Variants in SLC6A17 observed in about 807,000 individuals in gnomAD.
The protein encoded by SLC6A17 is solute carrier family 6 member 17, also known as sodium-dependent neutral amino acid transporter SLC6A17.
Under a neutral mutation model 64.5 loss-of-function variants are expected in SLC6A17, and 21 were observed. The ratio of observed to expected loss-of-function variants is 0.33; its 90% CI spans 0.23 to 0.47. The LOEUF is 0.47. Among genes scored for constraint, SLC6A17 ranks in the 20% least tolerant of loss-of-function variants. SLC6A17 has a pLI of 1.00. For synonymous variants in SLC6A17, 372 were observed against 399.5 expected (o/e 0.93, Z 0.82); for missense variants, 682 against 963.2 (o/e 0.71, Z 3.86).
At chr1:110,176,267 G>C (rs1306577165) in intron 5 of SLC6A17, among the ~76,000 whole-genome samples, 1 of 152,082 alleles carries the variant, frequency 6.6e-6, no homozygotes, top group Non-Finnish European at 1.5e-5. Context: ...GGACAGGGGA[G>C]ATCCTTAGGG....
At chr1:110,154,782 A>T (rs1655712135) in intron 1 of SLC6A17, among the ~76,000 whole-genome samples, 1 of 152,212 alleles carries the variant, frequency 6.6e-6, no homozygotes, top group South Asian at 2.1e-4. Context: ...TTGGTGGGTC[A>T]GATTTCTCTG....
intron 1 of SLC6A17, among the ~76,000 whole-genome samples, chr1:110,151,899 G>C (rs905859722): frequency 6.6e-6 from 1 of 152,094 alleles, no homozygotes; most frequent in Non-Finnish European, 1.5e-5. Flanking sequence ...GATGGGGGTG[G>C]GTTGGGGAGA....
At position 110,200,953 on chromosome 1, in the gene SLC6A17, G is replaced by GCCCC. The variant is rs1657112008; in HGVS notation, c.*2511_*2514dup. 1 of 152,046 alleles carries GCCCC rather than the reference G, an allele frequency of 6.6e-6. No homozygotes were observed. The highest frequency in any genetic ancestry group is 2.1e-4 in the South Asian group (1 of 4,814). The allele number at this position is 152,046 out of a possible 1,614,324, so 9.4% of individuals were successfully genotyped here. A position where few individuals can be genotyped will look rare whatever the true frequency, so the allele number is the denominator to read the frequency against. On this transcript the variant is annotated 3_prime_UTR_variant, in exon 12 of 12. Transcript: ENST00000331565. ...TCAGGGCCGGCAGGGTGCTTCGGGA[G>GCCCC]CCCCCTGCTACGGGGAAAGGCATGT...
At chr1:110,153,644 C>G (rs553608977) in intron 1 of SLC6A17, among the ~76,000 whole-genome samples, 3 of 151,870 alleles carry the variant, frequency 2.0e-5, no homozygotes, top group Non-Finnish European at 2.9e-5. Context: ...TGAGAAGATT[C>G]CAGAGAAACA....
intron 6 of SLC6A17, among the ~76,000 whole-genome samples, chr1:110,184,675 G>T (rs1656632162): frequency 6.6e-6 from 1 of 152,188 alleles, no homozygotes; most frequent in Non-Finnish European, 1.5e-5. Context: ...GAAGTGCCGA[G>T]GCTGGGAGCA....
chr1:110,151,323 T>C (rs1380667981), intron 1 of SLC6A17, among the ~76,000 whole-genome samples: 2 of 152,252 alleles, frequency 1.3e-5, no homozygotes, highest in African/African-American at 2.4e-5. Context: ...CCCCAGCCGC[T>C]CGGCCTCAGG....
Position 110,166,761 on chromosome 1 carries a change from T to G in SLC6A17, c.-87-82T>G. Reference sequence around the variant, plus strand: ...ACCTGCCTCACAGTGTGATGGGGAGTTAATTTGGGTTGTGTCCACGTTGGG... The same window carrying G: ...ACCTGCCTCACAGTGTGATGGGGAGGTAATTTGGGTTGTGTCCACGTTGGG... On this transcript the variant is annotated intron_variant, in intron 1 of 11. Transcript: ENST00000331565. The G allele has an allele frequency of 5.3e-6, 4 of 754,846 alleles. No individual in the cohort carries two copies. In the South Asian group the frequency reaches 7.0e-5, roughly 13 times the overall value. The allele number at this position is 754,846 out of a possible 1,614,324, so 46.8% of individuals were successfully genotyped here. A position where few individuals can be genotyped will look rare whatever the true frequency, so the allele number is the denominator to read the frequency against.
intron 1 of SLC6A17, among the ~76,000 whole-genome samples, chr1:110,160,314 C>T (rs1292458484): frequency 6.6e-6 from 1 of 152,248 alleles, no homozygotes; most frequent in Admixed American, 6.5e-5. Context: ...TTTACCCCGC[C>T]TCTTTGTTTC....
chr1:110,185,096 C>G (rs972402288), intron 6 of SLC6A17, among the ~76,000 whole-genome samples: 1 of 152,164 alleles, frequency 6.6e-6, no homozygotes, highest in Non-Finnish European at 1.5e-5. Context: ...ATTACCAGAG[C>G]GTGGGCTCTG....
chr1:110,164,798 C>T (rs930147026), intron 1 of SLC6A17, among the ~76,000 whole-genome samples: 3 of 152,192 alleles, frequency 2.0e-5, no homozygotes, highest in African/African-American at 7.2e-5. Flanking sequence ...ATCTTGGTGA[C>T]CGAAGCTGCC....
At chr1:110,183,985 ACT>A (rs143243575) in intron 6 of SLC6A17, among the ~76,000 whole-genome samples, 12,384 of 151,978 alleles carry the variant, frequency 0.081, 503 homozygotes, top group Non-Finnish European at 0.093. Context: ...TGTGCAGTGG[ACT>A]CTCTAGCATG....
chr1:110,161,653 T>C (rs1319196347), intron 1 of SLC6A17, among the ~76,000 whole-genome samples: 1 of 152,010 alleles, frequency 6.6e-6, no homozygotes, highest in Non-Finnish European at 1.5e-5. Flanking sequence ...AATAAATGAT[T>C]CTCTTTGTCC....
chr1:110,185,612 G>C (rs901986844), intron 6 of SLC6A17, among the ~76,000 whole-genome samples: 9 of 152,340 alleles, frequency 5.9e-5, no homozygotes, highest in African/African-American at 9.6e-5. Context: ...CAGACACCCC[G>C]AGGAGGGGGC....
At chr1:110,156,986 C>G (rs971889456) in intron 1 of SLC6A17, among the ~76,000 whole-genome samples, 4 of 152,164 alleles carry the variant, frequency 2.6e-5, no homozygotes, top group Admixed American at 6.5e-5. Flanking sequence ...TCATCTGTCC[C>G]CATGGTGGTC....
intron 2 of SLC6A17, among the ~76,000 whole-genome samples, chr1:110,171,778 G>A (rs1305248414): frequency 1.3e-5 from 2 of 152,120 alleles, no homozygotes; most frequent in African/African-American, 2.4e-5. Flanking sequence ...GCAGTGCAAT[G>A]TCTGTCTGTT....
At chr1:110,152,146 C>T (rs1000198205) in intron 1 of SLC6A17, among the ~76,000 whole-genome samples, 5 of 152,188 alleles carry the variant, frequency 3.3e-5, no homozygotes, top group African/African-American at 1.2e-4. Flanking sequence ...TACATTATCC[C>T]ATGGCTCTGT....
chr1:110,184,505 G>T lies in SLC6A17; in HGVS notation c.865-7467G>T, dbSNP rs1423689283. On this transcript the variant is annotated intron_variant, in intron 6 of 11. Transcript: ENST00000331565. Reference sequence around the variant, plus strand: ...CCATTTAAACCTCCTAACAACCCTGGAGAGGTCGGTACTCTCATTATCACC... The same window carrying T: ...CCATTTAAACCTCCTAACAACCCTGTAGAGGTCGGTACTCTCATTATCACC... Among the ~76,000 whole-genome samples the T allele has an allele frequency of 2.6e-5, 4 of 152,216 alleles. No homozygotes were observed. In the East Asian group the frequency reaches 7.7e-4, roughly 29 times the overall value.
At chr1:110,167,287 C>T in intron 2 of SLC6A17, 72 bp downstream of exon 2, 2 of 1,526,728 alleles carry the variant, frequency 1.3e-6, no homozygotes, top group Admixed American at 4.0e-5. Context: ...AAAAGAACAC[C>T]CCTTTGCTGA....
chr1:110,172,445 A>G (rs574147752), intron 3 of SLC6A17: 14 of 573,364 alleles, frequency 2.4e-5, no homozygotes, highest in Non-Finnish European at 3.9e-5. Flanking sequence ...AAGATTTGCC[A>G]TTGGTGCTAA....
Sources: allele counts gnomAD v4.1 joint callset (sites outside exome capture counted in the v4.1 genomes callset), GRCh38; gene constraint gnomAD v4.1.1; transcripts MANE v1.5; gene names NCBI Gene and HGNC (gene_info 2026-07-23, HGNC 2026-07-21).